AIG1: variants seen among roughly 807,000 people sequenced by gnomAD.
AIG1 encodes androgen induced 1, also known as androgen-induced gene 1 protein.
Under a neutral mutation model 31.4 loss-of-function variants are expected in AIG1, and 23 were observed. The ratio of observed to expected loss-of-function variants is 0.73; its 90% CI spans 0.53 to 1.04. The LOEUF is 1.04. AIG1 is among the 50% of genes least tolerant of loss of function. The probability of loss-of-function intolerance (pLI) is 0.00; values close to 1 mark genes in which losing one functional copy is unlikely to be tolerated. For synonymous variants in AIG1, 100 were observed against 110.5 expected (o/e 0.90, Z 0.60); for missense variants, 274 against 295.0 (o/e 0.93, Z 0.52).
intron 1 of AIG1, among the ~76,000 whole-genome samples, chr6:143,065,040 A>G (rs1037977421): frequency 6.6e-6 from 1 of 152,192 alleles, no homozygotes; most frequent in East Asian, 1.9e-4. Flanking sequence ...AGATCATAAG[A>G]CTTATTGTCC....
chr6:143,062,319 G>A (rs556297609), intron 1 of AIG1, among the ~76,000 whole-genome samples: 2 of 152,220 alleles, frequency 1.3e-5, no homozygotes, highest in South Asian at 2.1e-4. Flanking sequence ...ATGTTGCAAG[G>A]GTTTTAATTT....
chr6:143,158,956 C>G (rs1786065387), intron 2 of AIG1, among the ~76,000 whole-genome samples: 1 of 152,216 alleles, frequency 6.6e-6, no homozygotes, highest in South Asian at 2.1e-4. Context: ...TTCCTGTTCT[C>G]TGATACTTCA....
intron 1 of AIG1, among the ~76,000 whole-genome samples, chr6:143,082,841 G>C (rs907787450): frequency 6.6e-6 from 1 of 152,176 alleles, no homozygotes; most frequent in Non-Finnish European, 1.5e-5. Flanking sequence ...GTCTTGCCTC[G>C]TTGGTAAGCT....
intron 3 of AIG1, chr6:143,189,890 A>G (rs1249051668): frequency 5.7e-6 from 5 of 880,100 alleles, no homozygotes; most frequent in African/African-American, 1.8e-5. Context: ...ACATAAATTT[A>G]TTTATCATAG....
intron 3 of AIG1, among the ~76,000 whole-genome samples, chr6:143,257,513 A>G (rs1795454363): frequency 6.6e-6 from 1 of 152,216 alleles, no homozygotes; most frequent in Non-Finnish European, 1.5e-5. Flanking sequence ...ATGTGTTTGA[A>G]CGGTTATAGT....
At chr6:143,264,647 T>C (rs1037403251) in intron 3 of AIG1, among the ~76,000 whole-genome samples, 5 of 152,202 alleles carry the variant, frequency 3.3e-5, no homozygotes, top group African/African-American at 9.6e-5. Flanking sequence ...CAGTTGGAAA[T>C]TGGCACTGAG....
At chr6:143,104,263 C>T (rs1270952163) in intron 1 of AIG1, among the ~76,000 whole-genome samples, 5 of 152,170 alleles carry the variant, frequency 3.3e-5, no homozygotes, top group South Asian at 4.1e-4. Flanking sequence ...GAAAAGTTAC[C>T]GTGCTTAGAG....
chr6:143,202,852 A>G (rs1790813592), intron 3 of AIG1, among the ~76,000 whole-genome samples: 1 of 152,192 alleles, frequency 6.6e-6, no homozygotes, highest in Non-Finnish European at 1.5e-5. Context: ...TGTCCCAGCA[A>G]CATGGAAAAT....
rs528377747 is a variant in AIG1 at position 143,280,375 on chromosome 6, G to A, written c.400-3735G>A. Among the ~76,000 whole-genome samples the A allele has an allele frequency of 9.9e-5, 15 of 152,280 alleles. No homozygotes were observed. Among genetic ancestry groups the A allele is most frequent in the East Asian group, 3.9e-4 (2 of 5,184 alleles). On this transcript the variant is annotated intron_variant, in intron 3 of 5. Coordinates refer to ENST00000357847, the MANE Select transcript of AIG1 (RefSeq NM_016108.4). The surrounding 1 kb of genome is among the most constrained non-coding windows in gnomAD (Gnocchi z 4.1). ...ACCCAGCAATCCCATCACTGGGTAC[G>A]TGCCCAGAAGAATAGAAATCATTCT...
intron 1 of AIG1, among the ~76,000 whole-genome samples, chr6:143,110,107 G>A (rs1018356743): frequency 1.3e-5 from 2 of 152,214 alleles, no homozygotes; most frequent in African/African-American, 4.8e-5. Context: ...CTTTTTCCCA[G>A]TGGCAGCTTT....
At chr6:143,271,377 G>A (rs1282361744) in intron 3 of AIG1, among the ~76,000 whole-genome samples, 1 of 152,162 alleles carries the variant, frequency 6.6e-6, no homozygotes, top group Non-Finnish European at 1.5e-5. Context: ...TTTGCATGAA[G>A]CAGGATTATA....
chr6:143,170,725 A>ATTGTCTATTTGCCATC (rs1343226932), intron 3 of AIG1, among the ~76,000 whole-genome samples: 1 of 151,242 alleles, frequency 6.6e-6, no homozygotes, highest in Non-Finnish European at 1.5e-5. Context: ...GCATCTTTAG[A>ATTGTCTATTTGCCATC]TTGTCTATTT....
chr6:143,313,376 AAAG>A (rs1179528520), intron 4 of AIG1, among the ~76,000 whole-genome samples: 4 of 152,192 alleles, frequency 2.6e-5, no homozygotes, highest in African/African-American at 7.2e-5. Context: ...TCAGCCATGA[AAAG>A]AAGGAGGTTC....
rs183996519 is a variant in AIG1 at position 143,302,047 on chromosome 6, G to A, written c.515+17822G>A. On this transcript the variant is annotated intron_variant, in intron 4 of 5. Transcript: ENST00000357847. ...GCCCTGGAGACAAATAGAACTCAATGGTGACTAGAATAGTTTCATTAATGC... is the reference window on the plus strand; with the variant it reads ...GCCCTGGAGACAAATAGAACTCAATAGTGACTAGAATAGTTTCATTAATGC... Among the ~76,000 whole-genome samples the A allele has an allele frequency of 5.3e-5, 8 of 152,044 alleles. No homozygotes were observed. In the East Asian group the frequency reaches 1.2e-3, roughly 22 times the overall value.
chr6:143,075,571 G>A (rs1254513558), intron 1 of AIG1, among the ~76,000 whole-genome samples: 1 of 152,146 alleles, frequency 6.6e-6, no homozygotes, highest in East Asian at 1.9e-4. Context: ...CTCCTAAAGT[G>A]CTAAGACCAC....
In AIG1 at chr6:143,338,440, C is replaced by G. The variant is rs1401622493; in HGVS notation, c.680-1199C>G. On this transcript the variant is annotated intron_variant, in intron 5 of 5. Coordinates refer to ENST00000357847, the MANE Select transcript of AIG1 (RefSeq NM_016108.4). This position sits in a 1 kb window ranked among gnomAD's most constrained non-coding sequence, Gnocchi z 4.3. ...ACATAAAAGATCATCTGGGGACATT[C>G]ATTCAGAGCACGTTACCCACATTCC... 6.4e-6 allele frequency: 1 copy of G among 155,754 alleles called. No homozygotes were observed. The highest frequency in any genetic ancestry group is 2.4e-5 in the African/African-American group (1 of 41,670). 9.6% of individuals were successfully genotyped at this position (155,754 alleles called of 1,614,324 possible).
intron 4 of AIG1, among the ~76,000 whole-genome samples, chr6:143,301,233 A>G (rs1051532494): frequency 2.0e-5 from 3 of 152,262 alleles, no homozygotes; most frequent in African/African-American, 7.2e-5. Flanking sequence ...TGTTCAAGGC[A>G]GTCATTAAAG....
chr6:143,339,549 G>A, intron 5 of AIG1, 90 bp from the exon 6 acceptor site: 1 of 1,320,332 alleles, frequency 7.6e-7, no homozygotes, highest in Non-Finnish European at 1.1e-6. Context: ...CAGATGAGTG[G>A]ATGTGTGAGT....
chr6:143,267,611 G>C (rs931197072), intron 3 of AIG1, among the ~76,000 whole-genome samples: 1 of 152,020 alleles, frequency 6.6e-6, no homozygotes, highest in Non-Finnish European at 1.5e-5. Context: ...GATTCTCAAG[G>C]CTCCAAGTTA....
Sources: gnomAD v4.1 joint callset for allele counts (sites outside exome capture counted in the v4.1 genomes callset) on GRCh38, gnomAD v4.1.1 for gene constraint, Gnocchi (gnomAD v3.1) non-coding constraint, MANE v1.5 for transcripts, NCBI Gene and HGNC (gene_info 2026-07-23, HGNC 2026-07-21) for gene names.